The following MET variants were observed in gnomAD, a reference collection of about 807,000 sequenced individuals.
MET encodes hepatocyte growth factor receptor.
A neutral mutation model predicts 133.1 loss-of-function variants in MET; 48 were observed. The observed-to-expected ratio is 0.36, with a 90% confidence interval of 0.29 to 0.46. MET has a LOEUF of 0.46. Among genes scored for constraint, MET ranks in the 20% least tolerant of loss-of-function variants. The pLI, the probability that MET is intolerant of heterozygous loss-of-function variation, is 1.00. For synonymous variants in MET, 628 were observed against 616.5 expected (o/e 1.02, Z -0.28); for missense variants, 1,442 against 1,695.9 (o/e 0.85, Z 2.63).
Position 116,759,076 on chromosome 7 carries a change from C to T in MET, c.2265-315C>T, listed in dbSNP as rs562339461. Among the ~76,000 whole-genome samples the T allele has an allele frequency of 5.1e-4, 78 of 152,224 alleles. No individual in the cohort carries two copies. The South Asian group carries it at 0.015, about 30-fold the overall frequency. On this transcript the variant is annotated intron_variant, in intron 9 of 20. Transcript: ENST00000397752. ...GACCCAGTTCAATCTGCCTTGTTTC[C>T]GTTAATTCTATCAGTCTAGCAACAA... is the stretch of plus-strand genomic sequence containing the variant.
chr7:116,693,376 G>A (rs996857540), intron 1 of MET, among the ~76,000 whole-genome samples: 9 of 152,156 alleles, frequency 5.9e-5, no homozygotes, highest in Admixed American at 5.2e-4. Flanking sequence ...CCAAGATGAG[G>A]TCACTGAAAC....
intron 3 of MET, among the ~76,000 whole-genome samples, chr7:116,736,780 T>C (rs1793231509): frequency 6.6e-6 from 1 of 152,236 alleles, no homozygotes; most frequent in Non-Finnish European, 1.5e-5. Flanking sequence ...AAAGATTAGT[T>C]GTTGAATAGT....
intron 5 of MET, among the ~76,000 whole-genome samples, chr7:116,750,499 A>G (rs1352136857): frequency 6.6e-6 from 1 of 152,248 alleles, no homozygotes; most frequent in African/African-American, 2.4e-5. Context: ...AACCTAGGCA[A>G]TACCATTCAG....
chr7:116,746,212 A>C (rs1371280427), intron 5 of MET, among the ~76,000 whole-genome samples: 4 of 152,264 alleles, frequency 2.6e-5, no homozygotes, highest in African/African-American at 9.6e-5. Flanking sequence ...GAGAAATGCA[A>C]ATCAAAACCG....
intron 1 of MET, among the ~76,000 whole-genome samples, chr7:116,673,832 G>A (rs1354862909): frequency 1.3e-5 from 2 of 152,140 alleles, no homozygotes. Context: ...ATTGAGCTTT[G>A]TTTTGAACGT....
intron 2 of MET, 93 bp downstream of exon 2, chr7:116,700,377 C>T (rs1791533971): frequency 1.4e-6 from 2 of 1,411,158 alleles, no homozygotes; most frequent in Non-Finnish European, 1.9e-6. Context: ...TTCTTTTGTG[C>T]TTTGTAAATG....
At chr7:116,783,011 A>T (rs149593751) in intron 18 of MET, among the ~76,000 whole-genome samples, 1 of 152,152 alleles carries the variant, frequency 6.6e-6, no homozygotes, top group Non-Finnish European at 1.5e-5. Context: ...GTAAACCCAC[A>T]GGGGAGACAG....
At chr7:116,698,172 C>T (rs547795257) in intron 1 of MET, among the ~76,000 whole-genome samples, 2 of 152,318 alleles carry the variant, frequency 1.3e-5, no homozygotes, top group South Asian at 2.1e-4. Context: ...ATAAGGAGAA[C>T]TCACAATGTT....
At chr7:116,728,219 G>A (rs968079371) in intron 2 of MET, among the ~76,000 whole-genome samples, 12 of 152,132 alleles carry the variant, frequency 7.9e-5, no homozygotes, top group Non-Finnish European at 5.9e-5. Context: ...TTATTTTTTA[G>A]CTCTAAATCA....
rs750256779 is a variant in MET, at chr7:116,731,810, G to A, written c.1343G>A (p.Gly448Glu). 8 of 1,614,114 alleles carry A rather than the reference G, an allele frequency of 5.0e-6. No homozygotes were observed. The highest frequency in any genetic ancestry group is 6.8e-6 in the Non-Finnish European group (8 of 1,180,000). ...ACATCTATATCCACCTTCATTAAAG[G>A]AGACCTCACCATAGCTAATCTTGGG... Reference protein sequence around the residue: ...LLTSISTFIKGDLTIANLGTS... With the variant: ...LLTSISTFIKEDLTIANLGTS... Residue 448 changes from glycine (G) to glutamate (E), a missense_variant, in exon 3 of 21, where the codon GGA becomes GAA. Gly to Glu is a moderately conservative substitution (Grantham distance 98). Transcript: ENST00000397752.
At chr7:116,772,526 A>G (rs1270488345) in intron 14 of MET, among the ~76,000 whole-genome samples, 2 of 152,232 alleles carry the variant, frequency 1.3e-5, no homozygotes, top group South Asian at 2.1e-4. Context: ...GGAGGGGTCA[A>G]TATCATCAGC....
chr7:116,749,209 A>G (rs1019332741), intron 5 of MET, among the ~76,000 whole-genome samples: 3 of 152,242 alleles, frequency 2.0e-5, no homozygotes, highest in African/African-American at 7.2e-5. Context: ...AACATCCTCA[A>G]TACAATACTG....
At chr7:116,761,849 A>T (rs993039930) in intron 10 of MET, among the ~76,000 whole-genome samples, 2 of 152,098 alleles carry the variant, frequency 1.3e-5, no homozygotes, top group Admixed American at 6.5e-5. Flanking sequence ...TTTTTAAATG[A>T]TTTTTTAAAG....
chr7:116,675,510 A>G (rs904922695), intron 1 of MET, among the ~76,000 whole-genome samples: 25 of 152,158 alleles, frequency 1.6e-4, no homozygotes, highest in African/African-American at 5.8e-4. Flanking sequence ...TACCAAAACG[A>G]CCTTACAAGA....
chr7:116,771,867 T>C lies in MET; in HGVS notation c.2906T>C (p.Val969Ala), dbSNP rs2116996037. The stretch of plus-strand genomic sequence containing the variant: ...TTTTAAGATCTGGGCAGTGAATTAG[T>C]TCGCTACGATGCAAGAGTACACACT... The part of the protein sequence containing the change: ...KQIKDLGSEL[V>A]RYDARVHTPH... The change falls in exon 14 of 21, where the codon GTT becomes GCT. Residue 969 changes from valine (V) to alanine (A), a missense_variant. Transcript: ENST00000397752. The C allele has an allele frequency of 6.2e-7, 1 of 1,613,868 alleles. No individual in the cohort carries two copies. Among genetic ancestry groups the C allele is most frequent in the South Asian group, 1.1e-5 (1 of 91,074 alleles).
chr7:116,793,214 G>A (rs1228957883), intron 19 of MET, among the ~76,000 whole-genome samples: 4 of 146,156 alleles, frequency 2.7e-5, no homozygotes, highest in Non-Finnish European at 4.5e-5. Flanking sequence ...TCACTCTATC[G>A]CCCAAGCTGG....
chr7:116,766,613 G>T (rs1378418693), intron 11 of MET, among the ~76,000 whole-genome samples: 3 of 152,142 alleles, frequency 2.0e-5, no homozygotes, highest in Non-Finnish European at 1.5e-5. Context: ...GGATAAAAGT[G>T]AAGGGTTCTT....
chr7:116,766,910 C>T (rs1794646841), intron 11 of MET, among the ~76,000 whole-genome samples: 1 of 152,134 alleles, frequency 6.6e-6, no homozygotes, highest in African/African-American at 2.4e-5. Flanking sequence ...GGGAAGTTTT[C>T]CCCAAAATGC....
At position 116,710,478 on chromosome 7, in the gene MET, A is replaced by C. The variant is rs1584889266; in HGVS notation, c.1200+10194A>C. 6.6e-5 allele frequency among the ~76,000 whole-genome samples: 10 copies of C among 152,320 alleles called. No homozygotes were observed. The South Asian group carries it at 2.1e-3, about 32-fold the overall frequency. On this transcript the variant is annotated intron_variant, in intron 2 of 20. Transcript: ENST00000397752. ...TTTTAAAACCAAATGCTTAAGAAAA[A>C]AACATGAGACATGAGTAGCAATTAC...
Sources: allele counts gnomAD v4.1 joint callset (sites outside exome capture counted in the v4.1 genomes callset), GRCh38; gene constraint gnomAD v4.1.1; transcripts MANE v1.5; gene names NCBI Gene and HGNC (gene_info 2026-07-23, HGNC 2026-07-21).